The following PLCB4 variants were observed in gnomAD, a reference collection of about 807,000 sequenced individuals.
PLCB4 encodes 1-phosphatidylinositol 4,5-bisphosphate phosphodiesterase beta-4.
A neutral mutation model predicts 178.8 loss-of-function variants in PLCB4; 77 were observed. That is an observed-to-expected ratio of 0.43 (90% CI 0.36 to 0.52). The LOEUF is 0.52. Ranked by LOEUF, PLCB4 falls within the 20% of genes least tolerant of loss-of-function variation. The pLI is 0.00. For missense variants in PLCB4, 1,024 were observed against 1,453.4 expected, an observed-to-expected ratio of 0.70 and a Z score of 4.80; for synonymous variants, 496 against 490.8, an observed-to-expected ratio of 1.01 and a Z score of -0.14.
At chr20:9,257,684 A>C (rs2094251129) in intron 3 of PLCB4, among the ~76,000 whole-genome samples, 1 of 152,178 alleles carries the variant, frequency 6.6e-6, no homozygotes, top group African/African-American at 2.4e-5. Flanking sequence ...ATTTGGACCA[A>C]GATTCCTTCC....
At chr20:9,331,639 TGAAATAAAG>T (rs1159546638) in intron 4 of PLCB4, among the ~76,000 whole-genome samples, 1 of 152,176 alleles carries the variant, frequency 6.6e-6, no homozygotes, top group Non-Finnish European at 1.5e-5. Flanking sequence ...CTTTAAAAAT[TGAAATAAAG>T]GAAAAATGTT....
At chr20:9,399,769 A>G (rs2038890268) in intron 19 of PLCB4, among the ~76,000 whole-genome samples, 1 of 152,262 alleles carries the variant, frequency 6.6e-6, no homozygotes, top group South Asian at 2.1e-4. Context: ...AGTGGTTTAC[A>G]TCTGTATTGG....
chr20:9,084,351 T>G (rs1347494659), intron 1 of PLCB4, among the ~76,000 whole-genome samples: 1 of 152,212 alleles, frequency 6.6e-6, no homozygotes, highest in African/African-American at 2.4e-5. Flanking sequence ...TGATAAGTAA[T>G]GTGTATTTGT....
At chr20:9,426,385 T>C (rs1013965239) in intron 28 of PLCB4, among the ~76,000 whole-genome samples, 6 of 152,284 alleles carry the variant, frequency 3.9e-5, no homozygotes, top group African/African-American at 1.4e-4. Flanking sequence ...TGTTTGTTTA[T>C]TTATTTATTT....
intron 33 of PLCB4, among the ~76,000 whole-genome samples, chr20:9,453,790 C>T (rs920776058): frequency 6.6e-6 from 1 of 152,114 alleles, no homozygotes; most frequent in Non-Finnish European, 1.5e-5. Flanking sequence ...AATTGATTGT[C>T]CTTTTTGATT....
At chr20:9,343,905 C>G (rs2033514242) in intron 7 of PLCB4, among the ~76,000 whole-genome samples, 1 of 152,240 alleles carries the variant, frequency 6.6e-6, no homozygotes, top group African/African-American at 2.4e-5. Context: ...AATCCAGCTG[C>G]TCCTCACCAA....
intron 3 of PLCB4, among the ~76,000 whole-genome samples, chr20:9,297,237 G>T (rs922554078): frequency 2.0e-5 from 3 of 151,596 alleles, no homozygotes; most frequent in African/African-American, 7.3e-5. Flanking sequence ...TCTTTCTAGC[G>T]GTCACTTCTG....
chr20:9,297,648 C>A (rs992999710), intron 3 of PLCB4, among the ~76,000 whole-genome samples: 8 of 151,818 alleles, frequency 5.3e-5, no homozygotes, highest in African/African-American at 1.9e-4. Flanking sequence ...ATAGGCCCCA[C>A]TTCTGCCACT....
chr20:9,200,869 A>G (rs1489369104), intron 2 of PLCB4, among the ~76,000 whole-genome samples: 1 of 151,938 alleles, frequency 6.6e-6, no homozygotes, highest in Non-Finnish European at 1.5e-5. Context: ...CCCTCCCCCC[A>G]GCTTGCTAGG....
intron 2 of PLCB4, among the ~76,000 whole-genome samples, chr20:9,147,296 T>G (rs1363628802): frequency 2.6e-5 from 4 of 152,160 alleles, no homozygotes; most frequent in Admixed American, 2.6e-4. Flanking sequence ...GTTTCACAAC[T>G]AAGGAACCTT....
Position 9,466,480 on chromosome 20 carries a change from A to G in PLCB4, c.3249-2091A>G, listed in dbSNP as rs6140940. On this transcript the variant is annotated intron_variant, in intron 35 of 39. Coordinates refer to ENST00000378473, the MANE Select transcript of PLCB4 (RefSeq NM_001377142.1). The stretch of plus-strand genomic sequence containing the variant: ...CTTCTGCATGGCAAAAGAAACTACC[A>G]TTAGAGTGAACAGGCAACTCACAGA... 2.4e-3 allele frequency among the ~76,000 whole-genome samples: 369 copies of G among 152,316 alleles called. 12 individuals carry two copies. The East Asian group carries it at 0.058, about 24-fold the overall frequency.
intron 3 of PLCB4, among the ~76,000 whole-genome samples, chr20:9,252,441 C>T (rs1465400918): frequency 6.6e-6 from 1 of 152,182 alleles, no homozygotes; most frequent in East Asian, 1.9e-4. Context: ...AATCTTGGCT[C>T]TAATTTAGAT....
intron 2 of PLCB4, among the ~76,000 whole-genome samples, chr20:9,140,517 TG>T (rs2092466410): frequency 6.6e-6 from 1 of 151,924 alleles, no homozygotes; most frequent in South Asian, 2.1e-4. Flanking sequence ...AATCTCAAGT[TG>T]AAATATGATC....
intron 3 of PLCB4, among the ~76,000 whole-genome samples, chr20:9,222,959 T>C (rs1384389496): frequency 1.3e-5 from 2 of 152,218 alleles, no homozygotes; most frequent in Admixed American, 1.3e-4. Context: ...CTATTGCTAC[T>C]TCCATTTTTG....
intron 26 of PLCB4, 132 bp downstream of exon 26, chr20:9,420,041 C>T (rs888292738): frequency 9.7e-6 from 5 of 514,628 alleles, no homozygotes; most frequent in Admixed American, 3.2e-5. Context: ...ATTCCACCCC[C>T]TTTTTAAAAA....
At chr20:9,305,917 T>C (rs931758083) in intron 3 of PLCB4, among the ~76,000 whole-genome samples, 6 of 152,180 alleles carry the variant, frequency 3.9e-5, no homozygotes, top group Non-Finnish European at 8.8e-5. Flanking sequence ...GATTTCATCA[T>C]TTCTGCATAT....
At chr20:9,411,132 C>T in intron 25 of PLCB4, 44 bp downstream of exon 25, 1 of 1,283,294 alleles carries the variant, frequency 7.8e-7, no homozygotes, top group Non-Finnish European at 1.1e-6. Context: ...ATTGAGAACT[C>T]CATACTACAG....
At chr20:9,278,776 G>T (rs567532675) in intron 3 of PLCB4, among the ~76,000 whole-genome samples, 1 of 152,014 alleles carries the variant, frequency 6.6e-6, no homozygotes, top group Admixed American at 6.6e-5. Context: ...GATGGCAGCC[G>T]ACACATAGAA....
intron 3 of PLCB4, among the ~76,000 whole-genome samples, chr20:9,299,160 G>A (rs185219556): frequency 5.3e-5 from 8 of 152,062 alleles, no homozygotes; most frequent in East Asian, 3.9e-4. Context: ...GGAGAACAAC[G>A]TTTTACAGCT....
Sources: gnomAD v4.1 joint callset for allele counts (sites outside exome capture counted in the v4.1 genomes callset) on GRCh38, gnomAD v4.1.1 for gene constraint, MANE v1.5 for transcripts, NCBI Gene and HGNC (gene_info 2026-07-23, HGNC 2026-07-21) for gene names.